Variants in SMPD4 observed in about 807,000 individuals in gnomAD.
The protein encoded by SMPD4 is sphingomyelin phosphodiesterase 4.
In SMPD4, 58 loss-of-function variants were observed where a neutral mutation model predicts 97.8. That is an observed-to-expected ratio of 0.59 (90% CI 0.48 to 0.74). SMPD4 has a LOEUF of 0.74. Among genes scored for constraint, SMPD4 ranks in the 30% least tolerant of loss-of-function variants. SMPD4 has a pLI of 0.00. For missense variants in SMPD4, 853 were observed against 1,080.5 expected (o/e 0.79, Z 2.95); for synonymous variants, 388 against 450.0 (o/e 0.86, Z 1.74).
Position 130,176,543 on chromosome 2 carries a change from T to C in SMPD4, c.39+11A>G, listed in dbSNP as rs566232502. ...GCCACACTGACACTCATGCAAGCAG[T>C]TGATATTTACCAGTAGAAAGCTGGG... On this transcript the variant is annotated intron_variant, in intron 2 of 19. Coordinates refer to ENST00000680298, the MANE Select transcript of SMPD4 (RefSeq NM_017951.5). 1.2e-4 allele frequency: 186 copies of C among 1,605,226 alleles called. 4 individuals carry two copies. In the South Asian group the frequency reaches 1.9e-3, roughly 17 times the overall value.
At chr2:130,181,408 G>A (rs1472224092) in intron 1 of SMPD4, 122 bp downstream of exon 1, 34 of 1,487,540 alleles carry the variant, frequency 2.3e-5, no homozygotes, top group Non-Finnish European at 2.9e-5. Flanking sequence ...CCCTGCCTGG[G>A]CAGAGCCGGC....
chr2:130,181,489 G>A (rs1689630714), intron 1 of SMPD4, 41 bp downstream of exon 1: 4 of 1,569,780 alleles, frequency 2.5e-6, no homozygotes, highest in Non-Finnish European at 3.5e-6. Context: ...GAAGCCCCCA[G>A]GGCGCCGGAC....
intron 11 of SMPD4, among the ~76,000 whole-genome samples, chr2:130,158,559 G>A (rs1029967927): frequency 1.3e-5 from 2 of 152,156 alleles, no homozygotes; most frequent in East Asian, 1.9e-4. Context: ...GAATACAGGC[G>A]TGAGCCACTG....
Position 130,164,365 on chromosome 2 carries a change from A to C in SMPD4, c.864+9T>G, listed in dbSNP as rs199586464. ...AAGCAGGAGGTGGGAAGAAAAACTGAAAACATACCTTGGCATGAGGGGACT... is the reference window on the plus strand; with the variant it reads ...AAGCAGGAGGTGGGAAGAAAAACTGCAAACATACCTTGGCATGAGGGGACT... On this transcript the variant is annotated intron_variant, in intron 10 of 19. Transcript: ENST00000680298. 95 of 1,590,936 alleles carry C rather than the reference A, an allele frequency of 6.0e-5. No homozygotes were observed. Among genetic ancestry groups the C allele is most frequent in the Non-Finnish European group, 7.8e-5 (91 of 1,159,910 alleles).
chr2:130,153,295 G>A (rs377386891), intron 18 of SMPD4, 24 bp downstream of exon 18: 5 of 1,613,362 alleles, frequency 3.1e-6, no homozygotes, highest in Admixed American at 1.7e-5. Context: ...CAGCCTGTGC[G>A]CCTCTGAGAC....
chr2:130,170,650 G>C (rs1558758952), intron 8 of SMPD4, among the ~76,000 whole-genome samples: 1 of 151,820 alleles, frequency 6.6e-6, no homozygotes, highest in Admixed American at 6.6e-5. Flanking sequence ...TATAGTACTA[G>C]CTACTTGGGA....
In SMPD4 at chr2:130,153,270, G is replaced by A. The variant is rs758798595; in HGVS notation, c.2025+49C>T. 3.7e-6 allele frequency: 6 copies of A among 1,612,828 alleles called. No homozygotes were observed. The Admixed American group carries it at 6.7e-5, about 18-fold the overall frequency. On this transcript the variant is annotated intron_variant, in intron 18 of 19. Coordinates refer to ENST00000680298, the MANE Select transcript of SMPD4 (RefSeq NM_017951.5). ...TGCTCACAAGGGAGGAGGGAGCTGG[G>A]GACGGGTCAGGGCCCAGCCTGTGCG... is the stretch of plus-strand genomic sequence containing the variant.
At chr2:130,162,161 CCT>C (rs1687489323) in intron 10 of SMPD4, among the ~76,000 whole-genome samples, 1 of 152,266 alleles carries the variant, frequency 6.6e-6, no homozygotes, top group African/African-American at 2.4e-5. Context: ...GGCGGGAGCC[CCT>C]GAGGATCTGG....
rs368168049 is a variant in SMPD4, at chr2:130,153,364, G to A, written c.1980C>T (p.Ile660=). 32 of 1,613,742 alleles carry A rather than the reference G, an allele frequency of 2.0e-5. No homozygotes were observed. In the Middle Eastern group the frequency reaches 4.9e-4, roughly 25 times the overall value. Residue 660 remains isoleucine (I), a synonymous_variant, in exon 18 of 20, where the codon ATC becomes ATT. Transcript: ENST00000680298. ...TAAGGATGAGTCCGTCCTCACCCAC[G>A]ATGCAGTCGGGGAGTTGCTTTTTTC... ...ENGKKQLPDC[I]VGEDGLILTP... is the part of the protein sequence containing the mutation.
chr2:130,176,700 T>A, intron 1 of SMPD4, 63 bp from the exon 2 acceptor site: 1 of 1,382,834 alleles, frequency 7.2e-7, no homozygotes, highest in Admixed American at 1.9e-5. Flanking sequence ...TTATATTATT[T>A]TTTTAGAGAC....
chr2:130,172,724 C>T (rs768286232), intron 6 of SMPD4, 47 bp from the exon 7 acceptor site: 1 of 1,614,156 alleles, frequency 6.2e-7, no homozygotes, highest in Non-Finnish European at 8.5e-7. Context: ...TGAGCCACCC[C>T]CCGCTCAGTG....
intron 11 of SMPD4, among the ~76,000 whole-genome samples, chr2:130,160,632 AG>A (rs1414397697): frequency 6.6e-6 from 1 of 152,140 alleles, no homozygotes; most frequent in African/African-American, 2.4e-5. Flanking sequence ...TGGGCTGTCA[AG>A]GACTGACAGC....
At chr2:130,162,112 C>G (rs1042264207) in intron 10 of SMPD4, among the ~76,000 whole-genome samples, 13 of 152,228 alleles carry the variant, frequency 8.5e-5, no homozygotes, top group Non-Finnish European at 1.8e-4. Context: ...TCCTACCGCA[C>G]CAGAAACTCC....
chr2:130,178,907 A>G (rs1216591150), intron 1 of SMPD4, among the ~76,000 whole-genome samples: 1 of 152,080 alleles, frequency 6.6e-6, no homozygotes, highest in Non-Finnish European at 1.5e-5. Flanking sequence ...TAGACTTCAC[A>G]GACAGGAAGT....
At chr2:130,156,890 G>T in intron 12 of SMPD4, 1 of 1,319,520 alleles carries the variant, frequency 7.6e-7, no homozygotes, top group Non-Finnish European at 1.1e-6. Context: ...GGCCGAGTCA[G>T]CACAACTCCT....
At position 130,152,493 on chromosome 2, in the gene SMPD4, C is replaced by A. The variant is rs1402846099; in HGVS notation, c.*62G>T. On this transcript the variant is annotated 3_prime_UTR_variant, in exon 20 of 20. Coordinates refer to ENST00000680298, the MANE Select transcript of SMPD4 (RefSeq NM_017951.5). The stretch of plus-strand genomic sequence containing the variant: ...CCTGGAGGGGCTTCCCAGGTCCTCT[C>A]AGCCCAAGGGTGGGGCTGTGTGGCA... 2.7e-6 allele frequency: 4 copies of A among 1,456,532 alleles called. No homozygotes were observed. Among genetic ancestry groups the A allele is most frequent in the Non-Finnish European group, 3.7e-6 (4 of 1,092,092 alleles). 90.2% of individuals were successfully genotyped at this position (1,456,532 alleles called of 1,614,324 possible). A position where few individuals can be genotyped will look rare whatever the true frequency, so the allele number is the denominator to read the frequency against.
At chr2:130,174,787 T>A in intron 3 of SMPD4, 127 bp downstream of exon 3, 2 of 624,738 alleles carry the variant, frequency 3.2e-6, no homozygotes, top group East Asian at 5.2e-5. Context: ...ATGGTCATGG[T>A]AATGGCCAGG....
intron 14 of SMPD4, 146 bp from the exon 15 acceptor site, chr2:130,155,405 CAG>C (rs747268217): frequency 1.3e-5 from 14 of 1,093,366 alleles, no homozygotes; most frequent in Admixed American, 1.2e-4. Flanking sequence ...GATGACAGCT[CAG>C]GGGGCCACGG....
rs1686429652 is a variant in SMPD4 at position 130,153,416 on chromosome 2, G to GC, written c.1927dup (p.Ala643GlyfsTer8). 6.2e-7 allele frequency: 1 copy of GC among 1,613,804 alleles called. No individual in the cohort carries two copies. Among genetic ancestry groups the GC allele is most frequent in the African/African-American group, 1.3e-5 (1 of 74,938 alleles). On this transcript the variant is annotated frameshift_variant, in exon 18 of 20. Coordinates refer to ENST00000680298, the MANE Select transcript of SMPD4 (RefSeq NM_017951.5). LOFTEE classifies it high-confidence loss of function. The stretch of plus-strand genomic sequence containing the variant: ...ATTCTCATCCTGGGTGGTGCCCAAG[G>GC]CGAGTGTGAACTGCCTGAGCTGCGC...
Sources: gnomAD v4.1 joint callset for allele counts (sites outside exome capture counted in the v4.1 genomes callset) on GRCh38, gnomAD v4.1.1 for gene constraint, MANE v1.5 for transcripts, NCBI Gene and HGNC (gene_info 2026-07-23, HGNC 2026-07-21) for gene names.